Variants in CFAP47 observed in about 807,000 individuals in gnomAD.
The protein encoded by CFAP47 is cilia- and flagella-associated protein 47.
CFAP47 carries 29 observed loss-of-function variants against 148.1 expected under a neutral mutation model. That is an observed-to-expected ratio of 0.20 (90% CI 0.15 to 0.27). The LOEUF (loss-of-function observed/expected upper bound fraction) is 0.27. Ranked by LOEUF, CFAP47 falls within the 10% of genes least tolerant of loss-of-function variation. The probability of loss-of-function intolerance (pLI) is 1.00; values close to 1 mark genes in which losing one functional copy is unlikely to be tolerated. For missense variants in CFAP47, 1,872 were observed against 1,697.5 expected, an observed-to-expected ratio of 1.10 and a Z score of -1.81; for synonymous variants, 664 against 577.3, an observed-to-expected ratio of 1.15 and a Z score of -2.15.
chrX:35,959,231 C>CT (rs770918443), intron 8 of CFAP47, among the ~76,000 whole-genome samples: 47 of 111,088 alleles, frequency 4.2e-4, no homozygotes, highest in African/African-American at 1.3e-3. Context: ...ATTGGGCTGT[C>CT]TTTTTTTTAT....
intron 63 of CFAP47, 36 bp downstream of exon 63, chrX:36,379,554 A>G: frequency 9.8e-7 from 1 of 1,016,794 alleles, no homozygotes; most frequent in Non-Finnish European, 1.4e-6. Flanking sequence ...AGGATGTTTG[A>G]TGCAACTAAA....
chrX:36,290,215 CAACA>C (rs1941180671), intron 51 of CFAP47, among the ~76,000 whole-genome samples: 2 of 111,812 alleles, frequency 1.8e-5, no homozygotes, highest in South Asian at 7.4e-4. Context: ...TAAGAATTTT[CAACA>C]AACAAAGCTT....
At position 35,953,576 on chromosome X, in the gene CFAP47, T is replaced by A. The variant is rs748608243; in HGVS notation, c.1047-16T>A. On this transcript the variant is annotated splice_polypyrimidine_tract_variant and intron_variant, in intron 6 of 63. Coordinates refer to ENST00000378653, the MANE Select transcript of CFAP47 (RefSeq NM_001304548.2). ...CAACTTTGCTTTAAAAATAACTCAT[T>A]GTGATTTTTTTACAGGCTAATGGCT... The A allele has an allele frequency of 8.6e-7, 1 of 1,163,150 alleles. No homozygotes were observed. The highest frequency in any genetic ancestry group is 1.2e-6 in the Non-Finnish European group (1 of 866,552).
intron 54 of CFAP47, among the ~76,000 whole-genome samples, chrX:36,304,648 T>G (rs1556008499): frequency 9.0e-6 from 1 of 110,678 alleles, no homozygotes; most frequent in Non-Finnish European, 1.9e-5. Context: ...ACCAGTTGTT[T>G]TCTAGCCTTT....
chrX:36,228,856 A>T (rs1339815723), intron 46 of CFAP47, 32 bp downstream of exon 46: 1 of 506,730 alleles, frequency 2.0e-6, no homozygotes, highest in African/African-American at 2.3e-5. Flanking sequence ...ACCTTTCTTT[A>T]TTCATATTGC....
chrX:36,343,963 T>TA (rs1414908656), intron 57 of CFAP47, among the ~76,000 whole-genome samples: 1 of 108,466 alleles, frequency 9.2e-6, no homozygotes, highest in Non-Finnish European at 1.9e-5. Flanking sequence ...CATCATTTTT[T>TA]ATGGCTGCAT....
At chrX:36,260,611 G>A (rs1014413180) in intron 49 of CFAP47, among the ~76,000 whole-genome samples, 1 of 111,835 alleles carries the variant, frequency 8.9e-6, no homozygotes, top group African/African-American at 3.3e-5. Context: ...ATAGATTTTG[G>A]ATATTAGACC....
At chrX:36,374,010 G>A (rs1013334907) in intron 62 of CFAP47, among the ~76,000 whole-genome samples, 16 of 111,003 alleles carry the variant, frequency 1.4e-4, no homozygotes, top group Admixed American at 1.4e-3. Context: ...CAGATATATT[G>A]GTCTGTAGTT....
At chrX:36,310,402 G>A (rs894460559) in intron 55 of CFAP47, among the ~76,000 whole-genome samples, 29 of 109,611 alleles carry the variant, frequency 2.6e-4, no homozygotes, top group African/African-American at 8.6e-4. Context: ...GCTTCAATCT[G>A]TGCCTCATCT....
At chrX:35,956,286 C>A in intron 8 of CFAP47, 90 bp downstream of exon 8, 1 of 676,127 alleles carries the variant, frequency 1.5e-6, no homozygotes, top group Non-Finnish European at 2.2e-6. Context: ...AACATGTGTT[C>A]TACCAGTGTT....
chrX:35,965,727 T>C (rs1011329610), intron 8 of CFAP47, among the ~76,000 whole-genome samples: 2 of 111,231 alleles, frequency 1.8e-5, no homozygotes, highest in African/African-American at 6.5e-5. Context: ...CTCTGAATCA[T>C]GTGAGACAAA....
chrX:35,937,875 G>A (rs1220305685), intron 2 of CFAP47, among the ~76,000 whole-genome samples: 4 of 111,215 alleles, frequency 3.6e-5, no homozygotes, highest in Non-Finnish European at 7.6e-5. Flanking sequence ...AAAGAAGAAA[G>A]AAAACAGAAA....
intron 30 of CFAP47, among the ~76,000 whole-genome samples, chrX:36,095,677 A>G (rs1938263815): frequency 9.0e-6 from 1 of 110,952 alleles, no homozygotes; most frequent in African/African-American, 3.3e-5. Flanking sequence ...CATCGTAGCT[A>G]CTTGTGATCA....
chrX:35,978,505 A>G (rs1025840308), intron 15 of CFAP47, among the ~76,000 whole-genome samples: 6 of 111,838 alleles, frequency 5.4e-5, no homozygotes, highest in Non-Finnish European at 9.4e-5. Flanking sequence ...TAATTTTTAA[A>G]CAAACAATTA....
chrX:36,159,380 TGTC>T, intron 37 of CFAP47, 43 bp from the exon 38 acceptor site: 1 of 295,428 alleles, frequency 3.4e-6, no homozygotes. Flanking sequence ...GCTTGTAAGT[TGTC>T]TTTTTTGTTA....
chrX:36,010,976 A>G, intron 21 of CFAP47, among the ~76,000 whole-genome samples: 1 of 111,641 alleles, frequency 9.0e-6, no homozygotes. Flanking sequence ...TGGACATTTG[A>G]ATATTATAAT....
chrX:36,171,999 G>A (rs1939587189), intron 39 of CFAP47, among the ~76,000 whole-genome samples: 1 of 109,891 alleles, frequency 9.1e-6, no homozygotes, highest in Admixed American at 9.7e-5. Context: ...AGTTCTCCTT[G>A]AAGAGGTCCT....
At chrX:35,950,984 G>C in intron 4 of CFAP47, 147 bp from the exon 5 acceptor site, 1 of 449,533 alleles carries the variant, frequency 2.2e-6, no homozygotes, top group Non-Finnish European at 3.9e-6. Flanking sequence ...TGGTATGTAC[G>C]TGAAAGGAAC....
chrX:36,294,672 ACT>A (rs1417186675), intron 51 of CFAP47, among the ~76,000 whole-genome samples: 2 of 111,156 alleles, frequency 1.8e-5, no homozygotes, highest in East Asian at 5.7e-4. Context: ...AGATCATGCC[ACT>A]GCACTCCAGC....
Sources: allele counts gnomAD v4.1 joint callset (sites outside exome capture counted in the v4.1 genomes callset), GRCh38; gene constraint gnomAD v4.1.1; transcripts MANE v1.5; gene names NCBI Gene and HGNC (gene_info 2026-07-23, HGNC 2026-07-21).